Variants in SHTN1 observed in about 807,000 individuals in gnomAD.
SHTN1 encodes the protein shootin-1.
Under a neutral mutation model 83.1 loss-of-function variants are expected in SHTN1, and 42 were observed. The observed-to-expected ratio is 0.51, with a 90% CI of 0.39 to 0.65. SHTN1 has a LOEUF of 0.65. Ranked by LOEUF, SHTN1 falls within the 30% of genes least tolerant of loss-of-function variation. SHTN1 has a pLI of 0.00. For synonymous variants in SHTN1, 224 were observed against 247.7 expected (o/e 0.90, Z 0.90); for missense variants, 622 against 737.8 (o/e 0.84, Z 1.82).
intron 1 of SHTN1, among the ~76,000 whole-genome samples, chr10:116,980,802 C>T (rs556992927): frequency 6.6e-6 from 1 of 152,210 alleles, no homozygotes; most frequent in East Asian, 1.9e-4. Context: ...CGAAAGGGTT[C>T]AGAATGGCTA....
intron 2 of SHTN1, among the ~76,000 whole-genome samples, chr10:116,972,949 G>A (rs1322313917): frequency 6.6e-6 from 1 of 152,136 alleles, no homozygotes; most frequent in Non-Finnish European, 1.5e-5. Flanking sequence ...TCTCTTCCTT[G>A]AGCCTCATCC....
At chr10:117,122,834 T>C (rs1426299145) in intron 1 of SHTN1, among the ~76,000 whole-genome samples, 1 of 152,134 alleles carries the variant, frequency 6.6e-6, no homozygotes, top group Non-Finnish European at 1.5e-5. Context: ...TTAAGAAAAA[T>C]AATAATTAAA....
At chr10:117,047,484 T>C (rs1302504000) in intron 2 of SHTN1, among the ~76,000 whole-genome samples, 1 of 152,184 alleles carries the variant, frequency 6.6e-6, no homozygotes, top group African/African-American at 2.4e-5. Context: ...TATAATATGG[T>C]CCTAACTCTC....
intron 2 of SHTN1, among the ~76,000 whole-genome samples, chr10:117,018,831 A>G (rs1852221929): frequency 2.0e-5 from 3 of 152,036 alleles, no homozygotes; most frequent in Non-Finnish European, 2.9e-5. Context: ...TCAGCCTCCC[A>G]AAGTGCTGGG....
Position 116,951,915 on chromosome 10 carries a change from A to G in SHTN1, c.528T>C (p.Ile176=). The G allele has an allele frequency of 6.4e-7, 1 of 1,572,404 alleles. No homozygotes were observed. The highest frequency in any genetic ancestry group is 8.7e-7 in the Non-Finnish European group (1 of 1,148,970). The change falls in exon 6 of 17, where the codon ATT becomes ATC. Residue 176 remains isoleucine (I), a synonymous_variant. Transcript: ENST00000355371. ...TCAGGCCTGAGATACATACTTCTTC[A>G]ATTACTTCTACGAGTTTGCTCTTGA... ...ENLKSKLVEV[I]EEVNKVKQEK... is the part of the protein sequence containing the mutation.
chr10:117,004,778 G>T (rs962759281), intron 1 of SHTN1, among the ~76,000 whole-genome samples: 10 of 152,182 alleles, frequency 6.6e-5, no homozygotes, highest in African/African-American at 2.4e-4. Context: ...CGCAACCAGC[G>T]GGCAGCGGGT....
chr10:116,944,370 T>C (rs1253027145), intron 8 of SHTN1, among the ~76,000 whole-genome samples: 3 of 152,168 alleles, frequency 2.0e-5, no homozygotes, highest in East Asian at 3.9e-4. Flanking sequence ...ATTTTACAGA[T>C]GGTAAAAGTG....
chr10:116,983,687 A>ATAGATAGATAAATAC (rs1851124220), intron 1 of SHTN1, among the ~76,000 whole-genome samples: 3 of 60,254 alleles, frequency 5.0e-5, no homozygotes, highest in African/African-American at 1.3e-4. Flanking sequence ...TAGATAGATA[A>ATAGATAGATAAATAC]ATACATACAT....
chr10:117,022,868 A>C (rs1852283666), intron 2 of SHTN1, among the ~76,000 whole-genome samples: 1 of 152,216 alleles, frequency 6.6e-6, no homozygotes, highest in South Asian at 2.1e-4. Flanking sequence ...CAGTGAGCCA[A>C]GATTGCACTC....
At chr10:116,929,480 ATTCT>A (rs1306392216) in intron 10 of SHTN1, among the ~76,000 whole-genome samples, 6 of 152,188 alleles carry the variant, frequency 3.9e-5, no homozygotes, top group East Asian at 1.9e-4. Flanking sequence ...AAAAAGTTTA[ATTCT>A]TTCTAAAAAT....
intron 14 of SHTN1, among the ~76,000 whole-genome samples, chr10:116,909,947 C>T (rs1848124623): frequency 6.6e-6 from 1 of 152,074 alleles, no homozygotes; most frequent in African/African-American, 2.4e-5. Flanking sequence ...TTTTCGTGTT[C>T]CATCTTAATT....
chr10:117,115,290 A>G (rs1853830294), intron 1 of SHTN1, among the ~76,000 whole-genome samples: 1 of 152,120 alleles, frequency 6.6e-6, no homozygotes, highest in South Asian at 2.1e-4. Flanking sequence ...CCTCACTTAG[A>G]AAAATAACAC....
chr10:116,900,995 A>G, intron 16 of SHTN1: 1 of 985,442 alleles, frequency 1.0e-6, no homozygotes, highest in South Asian at 4.7e-5. Flanking sequence ...GAGTTACAAA[A>G]AAGGGGTTCT....
rs75643599 is a variant in SHTN1, at chr10:117,003,338, T to C, written c.58+1684A>G. The stretch of plus-strand genomic sequence containing the variant: ...TCTGTCCACCCACTAAATTCACTGA[T>C]GCTTGTGACTTTATGACCTCAGGCT... On this transcript the variant is annotated intron_variant, in intron 1 of 16. Transcript: ENST00000355371. Among the ~76,000 whole-genome samples the C allele has an allele frequency of 9.0e-3, 1,341 of 148,752 alleles. 9 individuals carry two copies. Among genetic ancestry groups the C allele is most frequent in the Non-Finnish European group, 0.014 (962 of 67,404 alleles).
At chr10:116,950,161 T>C (rs1849725069) in intron 6 of SHTN1, among the ~76,000 whole-genome samples, 1 of 152,160 alleles carries the variant, frequency 6.6e-6, no homozygotes, top group South Asian at 2.1e-4. Context: ...TATATGGATG[T>C]TCATTAAAAA....
upstream of SHTN1, among the ~76,000 whole-genome samples, chr10:117,009,760 C>G (rs565754297): frequency 2.0e-5 from 3 of 151,840 alleles, no homozygotes; most frequent in African/African-American, 7.2e-5. Flanking sequence ...AAAAATTAGC[C>G]GGGCGTGGTG....
intron 8 of SHTN1, among the ~76,000 whole-genome samples, chr10:116,944,179 C>G (rs1051960074): frequency 4.6e-5 from 7 of 152,132 alleles, no homozygotes; most frequent in Admixed American, 2.0e-4. Flanking sequence ...GAGATACATC[C>G]CAGATTTTAA....
At chr10:116,983,695 CATACAT>C (rs1851126528) in intron 1 of SHTN1, among the ~76,000 whole-genome samples, 1 of 14,978 alleles carries the variant, frequency 6.7e-5, no homozygotes, top group African/African-American at 8.8e-5. Flanking sequence ...TAAATACATA[CATACAT>C]ACATACATAC....
intron 1 of SHTN1, among the ~76,000 whole-genome samples, chr10:117,070,413 T>C (rs1332290210): frequency 6.6e-6 from 1 of 152,108 alleles, no homozygotes; most frequent in Admixed American, 6.5e-5. Context: ...CTATCTGCTT[T>C]TCTCTTTGTG....
Sources: gnomAD v4.1 joint callset for allele counts (sites outside exome capture counted in the v4.1 genomes callset) on GRCh38, gnomAD v4.1.1 for gene constraint, MANE v1.5 for transcripts, NCBI Gene and HGNC (gene_info 2026-07-23, HGNC 2026-07-21) for gene names.